The following MCF2L variants were observed in gnomAD, a reference collection of about 807,000 sequenced individuals.
MCF2L encodes guanine nucleotide exchange factor DBS.
In MCF2L, 97 loss-of-function variants were observed where a neutral mutation model predicts 153.4. The ratio of observed to expected loss-of-function variants is 0.63; its 90% CI spans 0.54 to 0.75. The LOEUF (loss-of-function observed/expected upper bound fraction) is 0.75, where lower values mean the gene tolerates loss of function less well. MCF2L is among the 30% of genes least tolerant of loss of function. The probability of loss-of-function intolerance (pLI) is 0.00; values close to 1 mark genes in which losing one functional copy is unlikely to be tolerated. For synonymous variants in MCF2L, 659 were observed against 632.2 expected (o/e 1.04, Z -0.64); for missense variants, 1,347 against 1,495.2 (o/e 0.90, Z 1.64).
At chr13:112,908,735 T>TG (rs1555349038) in intron 2 of MCF2L, among the ~76,000 whole-genome samples, 2 of 58,980 alleles carry the variant, frequency 3.4e-5, no homozygotes, top group Non-Finnish European at 3.3e-5. Context: ...TGTTTTGGTT[T>TG]TTTTTTGTTT....
intron 2 of MCF2L, among the ~76,000 whole-genome samples, chr13:112,918,405 G>A (rs147656030): frequency 9.8e-5 from 15 of 152,352 alleles, no homozygotes; most frequent in Middle Eastern, 3.4e-3. Context: ...AGTAACTGAC[G>A]CAGTTCACTT....
chr13:112,974,058 C>T (rs988867185), intron 1 of MCF2L, among the ~76,000 whole-genome samples: 1 of 152,166 alleles, frequency 6.6e-6, no homozygotes, highest in East Asian at 1.9e-4. Context: ...CCCATCCTGG[C>T]GCTTCCTCAC....
chr13:112,913,787 T>C (rs2140532672), intron 2 of MCF2L, among the ~76,000 whole-genome samples: 1 of 152,252 alleles, frequency 6.6e-6, no homozygotes, highest in Middle Eastern at 3.4e-3. Flanking sequence ...GAATGTGTGC[T>C]TTTAAAAATG....
At chr13:113,095,004 G>GT (rs1388717972) in intron 27 of MCF2L, 1 of 1,376,934 alleles carries the variant, frequency 7.3e-7, no homozygotes, top group East Asian at 4.4e-5. Flanking sequence ...CCACTCGTGG[G>GT]TGCACCTTCC....
At chr13:113,083,893 A>T in intron 17 of MCF2L, 105 bp from the exon 18 acceptor site, 2 of 851,454 alleles carry the variant, frequency 2.3e-6, no homozygotes, top group South Asian at 2.8e-5. Context: ...CAGATTGCCC[A>T]GAGCAAGGCG....
At chr13:113,052,190 ATT>A (rs1160505287) in intron 4 of MCF2L, among the ~76,000 whole-genome samples, 1 of 152,232 alleles carries the variant, frequency 6.6e-6, no homozygotes, top group Non-Finnish European at 1.5e-5. Context: ...TACAATCATG[ATT>A]TGTCAGTTAA....
At chr13:112,987,821 G>A (rs553677060) in intron 1 of MCF2L, among the ~76,000 whole-genome samples, 24 of 152,352 alleles carry the variant, frequency 1.6e-4, no homozygotes, top group Admixed American at 9.8e-4. Flanking sequence ...CGCTGTGGGC[G>A]GACAGTGATG....
chr13:113,001,664 C>T lies in MCF2L; in HGVS notation c.80-13099C>T, dbSNP rs1336185587. ...GGCTCAGCTGTCGCCAGGATCGCAACAGTTAAGCTGCCTGCAGCAGGATAA... is the reference window on the plus strand; with the variant it reads ...GGCTCAGCTGTCGCCAGGATCGCAATAGTTAAGCTGCCTGCAGCAGGATAA... On this transcript the variant is annotated intron_variant, in intron 1 of 29. Coordinates refer to ENST00000535094, the MANE Select transcript of MCF2L (RefSeq NM_001112732.3). 5.3e-6 allele frequency: 7 copies of T among 1,320,604 alleles called. No individual in the cohort carries two copies. The African/African-American group carries it at 9.2e-5, about 17-fold the overall frequency. 81.8% of individuals were successfully genotyped at this position (1,320,604 alleles called of 1,614,324 possible).
chr13:113,026,489 G>T (rs1045022122), intron 3 of MCF2L, among the ~76,000 whole-genome samples: 2 of 152,226 alleles, frequency 1.3e-5, no homozygotes, highest in Non-Finnish European at 2.9e-5. Flanking sequence ...CCACCTGGAG[G>T]CCCAGTTGCT....
At chr13:112,915,276 G>A (rs2081279271) in intron 2 of MCF2L, among the ~76,000 whole-genome samples, 1 of 151,778 alleles carries the variant, frequency 6.6e-6, no homozygotes, top group Non-Finnish European at 1.5e-5. Flanking sequence ...GGGTGTGGTG[G>A]CAGGCACCTG....
intron 1 of MCF2L, among the ~76,000 whole-genome samples, chr13:112,987,493 C>T (rs562285924): frequency 6.6e-6 from 1 of 152,366 alleles, no homozygotes; most frequent in South Asian, 2.1e-4. Context: ...TGGCCTTCTG[C>T]AGCCGCACAG....
intron 4 of MCF2L, among the ~76,000 whole-genome samples, chr13:113,057,407 G>GTA: frequency 6.7e-6 from 1 of 149,094 alleles, no homozygotes; most frequent in East Asian, 2.0e-4. Flanking sequence ...TGAGTGTTTA[G>GTA]GTGCTGTGTG....
At chr13:112,937,170 C>T (rs1292248051) in intron 2 of MCF2L, among the ~76,000 whole-genome samples, 1 of 152,312 alleles carries the variant, frequency 6.6e-6, no homozygotes. Flanking sequence ...TCTCCTGCCT[C>T]AGCCTCCCGA....
intron 8 of MCF2L, among the ~76,000 whole-genome samples, 195 bp downstream of exon 8, chr13:113,066,365 C>T (rs1048671690): frequency 6.6e-6 from 1 of 152,212 alleles, no homozygotes; most frequent in African/African-American, 2.4e-5. Flanking sequence ...TGCTGAAATG[C>T]TTTTCTCTCG....
intron 17 of MCF2L, among the ~76,000 whole-genome samples, chr13:113,083,562 G>C (rs573632622): frequency 6.6e-6 from 1 of 152,314 alleles, no homozygotes; most frequent in South Asian, 2.1e-4. Context: ...TCCTCCAGGG[G>C]ACAGATGCAA....
intron 1 of MCF2L, among the ~76,000 whole-genome samples, chr13:112,986,496 C>T (rs566420444): frequency 7.2e-5 from 11 of 152,356 alleles, no homozygotes; most frequent in Admixed American, 3.9e-4. Flanking sequence ...CACCTCCCCA[C>T]GGTCCCACTG....
At position 113,081,308 on chromosome 13, in the gene MCF2L, G is replaced by A. The variant is rs769975039; in HGVS notation, c.1875+29G>A. 2.6e-6 allele frequency: 4 copies of A among 1,559,648 alleles called. No individual in the cohort carries two copies. In the African/African-American group the frequency reaches 5.4e-5, roughly 21 times the overall value. ...AGGCTGGACTCGGGGAGGGCCGACT[G>A]CCACGGGGACTCCCCTGGGCCAGCT... is the stretch of plus-strand genomic sequence containing the variant. On this transcript the variant is annotated intron_variant, in intron 16 of 29. Transcript: ENST00000535094.
chr13:113,060,120 T>C (rs1256766837), intron 4 of MCF2L, among the ~76,000 whole-genome samples: 1 of 152,206 alleles, frequency 6.6e-6, no homozygotes, highest in African/African-American at 2.4e-5. Flanking sequence ...TGGGTCTCCC[T>C]GGGTGTGGAA....
chr13:112,968,129 T>G (rs1204586245), upstream of MCF2L: 14 of 101,902 alleles, frequency 1.4e-4, no homozygotes, highest in Admixed American at 1.7e-4. Context: ...TTTTAACTGA[T>G]TGGGGAGTGA....
Sources: gnomAD v4.1 joint callset for allele counts (sites outside exome capture counted in the v4.1 genomes callset) on GRCh38, gnomAD v4.1.1 for gene constraint, MANE v1.5 for transcripts, NCBI Gene and HGNC (gene_info 2026-07-23, HGNC 2026-07-21) for gene names.